CHRNA3: variants seen among roughly 807,000 people sequenced by gnomAD.
CHRNA3 encodes neuronal acetylcholine receptor subunit alpha-3.
In CHRNA3, 34 loss-of-function variants were observed where a neutral mutation model predicts 41.9. The ratio of observed to expected loss-of-function variants is 0.81; its 90% CI spans 0.62 to 1.08. The LOEUF is 1.08. Ranked by LOEUF, CHRNA3 falls within the 50% of genes least tolerant of loss-of-function variation. The pLI is 0.00. For missense variants in CHRNA3, 542 were observed against 638.3 expected (o/e 0.85, Z 1.63); for synonymous variants, 281 against 265.2 (o/e 1.06, Z -0.58).
At chr15:78,593,272 A>G (rs200911665), downstream of CHRNA3, 32 of 1,590,532 alleles carry the variant, frequency 2.0e-5, no homozygotes, top group African/African-American at 4.1e-4. Flanking sequence ...AAGGGACTGA[A>G]GTATACATTT....
chr15:78,608,829 G>A (rs1236337952), intron 4 of CHRNA3, among the ~76,000 whole-genome samples: 2 of 137,272 alleles, frequency 1.5e-5, no homozygotes, highest in Admixed American at 1.4e-4. Context: ...GTTAAAAACT[G>A]TGAAAAAAAA....
Position 78,601,691 on chromosome 15 carries a change from C to A in CHRNA3, c.951G>T (p.Leu317Phe). ...GCACGAAGACGGTGATGACGATGGA[C>A]AAGGTTACAAAAATCATGGTGAACA... ...YLLFTMIFVT[L>F]SIVITVFVLN... The change falls in exon 5 of 6, where the codon TTG becomes TTT. Residue 317 changes from leucine (L) to phenylalanine (F), a missense_variant. Leu to Phe is a conservative substitution (Grantham distance 22, BLOSUM62 0). Coordinates refer to ENST00000326828, the MANE Select transcript of CHRNA3 (RefSeq NM_000743.5). 6.2e-7 allele frequency: 1 copy of A among 1,614,056 alleles called. No individual in the cohort carries two copies. Among genetic ancestry groups the A allele is most frequent in the South Asian group, 1.1e-5 (1 of 91,068 alleles).
downstream of CHRNA3, chr15:78,594,603 G>C (rs1801261859): frequency 6.6e-6 from 1 of 152,284 alleles, no homozygotes; most frequent in African/African-American, 2.4e-5. Flanking sequence ...GCTTGAACCT[G>C]GGAGGTGGAG....
chr15:78,604,171 G>A (rs1353929361), intron 4 of CHRNA3, among the ~76,000 whole-genome samples: 7 of 152,172 alleles, frequency 4.6e-5, no homozygotes, highest in African/African-American at 1.7e-4. Flanking sequence ...ACTGCCTTTT[G>A]TTGTCCATTA....
intron 4 of CHRNA3, among the ~76,000 whole-genome samples, chr15:78,607,166 T>G (rs557993765): frequency 6.7e-6 from 1 of 150,190 alleles, no homozygotes; most frequent in East Asian, 2.0e-4. Flanking sequence ...GAGGCAGAGA[T>G]TGCAGTGAGC....
intron 4 of CHRNA3, among the ~76,000 whole-genome samples, chr15:78,604,710 A>C (rs1480697243): frequency 6.6e-6 from 1 of 152,130 alleles, no homozygotes; most frequent in African/African-American, 2.4e-5. Context: ...TGACCTAACG[A>C]ATGACCAAAA....
chr15:78,598,915 C>A (rs1406217403), intron 5 of CHRNA3, among the ~76,000 whole-genome samples: 2 of 149,142 alleles, frequency 1.3e-5, no homozygotes, highest in Admixed American at 6.8e-5. Flanking sequence ...CTCACTGCAA[C>A]CTCTGTCTCC....
In CHRNA3 at chr15:78,595,985, T is replaced by C. The variant is rs1040369819; in HGVS notation, c.*619A>G. ...CTCCAAAACTGAGAAGTTTCTGTTGTTTATAATCCACCCAGTTTATGGTGT... is the reference window on the plus strand; with the variant it reads ...CTCCAAAACTGAGAAGTTTCTGTTGCTTATAATCCACCCAGTTTATGGTGT... On this transcript the variant is annotated 3_prime_UTR_variant, in exon 6 of 6. Coordinates refer to ENST00000326828, the MANE Select transcript of CHRNA3 (RefSeq NM_000743.5). 4 of 907,144 alleles carry C rather than the reference T, an allele frequency of 4.4e-6. No homozygotes were observed. Among genetic ancestry groups the C allele is most frequent in the Admixed American group, 6.2e-5 (1 of 16,154 alleles). The allele number at this position is 907,144 out of a possible 1,614,324, so 56.2% of individuals were successfully genotyped here.
chr15:78,616,802 T>A (rs2053469176), intron 4 of CHRNA3, among the ~76,000 whole-genome samples: 1 of 152,226 alleles, frequency 6.6e-6, no homozygotes, highest in African/African-American at 2.4e-5. Context: ...CACCCACCCA[T>A]GCCTGCTTTG....
chr15:78,617,041 G>A lies in CHRNA3; in HGVS notation c.360C>T (p.Asp120=), dbSNP rs779363345. The change falls in exon 4 of 6, where the codon GAC becomes GAT. Residue 120 remains aspartate, a synonymous_variant. Transcript: ENST00000326828. The part of the protein sequence containing the change: ...RVPAQKIWKP[D]IVLYNNAVGD... ...CACCTTACTTGTTATACAGCACAAT[G>A]TCTGGCTTCCAGATCTTCTGTGCAG... The A allele has an allele frequency of 1.2e-5, 19 of 1,613,004 alleles. No homozygotes were observed. Among genetic ancestry groups the A allele is most frequent in the East Asian group, 8.9e-5 (4 of 44,886 alleles).
chr15:78,598,437 C>G (rs2141321263), intron 5 of CHRNA3, among the ~76,000 whole-genome samples: 1 of 150,834 alleles, frequency 6.6e-6, no homozygotes, highest in South Asian at 2.1e-4. Flanking sequence ...CTTTGTTGCT[C>G]AAGCTGGAGT....
rs766325850 is a variant in CHRNA3 at position 78,601,302 on chromosome 15, C to T, written c.1340G>A (p.Ser447Asn). ...LSPEIKEAIQ[S>N]VKYIAENMKA... Reference sequence around the variant, plus strand: ...CATATTTTCAGCAATATACTTGACACTTTGGATGGCTTCTTTGATTTCTGG... The same window carrying T: ...CATATTTTCAGCAATATACTTGACATTTTGGATGGCTTCTTTGATTTCTGG... Residue 447 changes from serine to asparagine, a missense_variant, in exon 5 of 6, where the codon AGT becomes AAT. Ser to Asn is a conservative substitution (Grantham distance 46). Coordinates refer to ENST00000326828, the MANE Select transcript of CHRNA3 (RefSeq NM_000743.5). The T allele has an allele frequency of 9.9e-6, 16 of 1,614,118 alleles. No individual in the cohort carries two copies. Among genetic ancestry groups the T allele is most frequent in the Middle Eastern group, 1.6e-4 (1 of 6,084 alleles).
intron 4 of CHRNA3, among the ~76,000 whole-genome samples, chr15:78,616,092 G>GC (rs112010838): frequency 1 from 150,976 of 150,978 alleles, 75,487 homozygotes; most frequent in Middle Eastern, 1. Context: ...GGTGGCTCAT[G>GC]CTGTAATCCC....
rs1383707455 is a variant in CHRNA3, at chr15:78,596,545, A to G, written c.*59T>C. On this transcript the variant is annotated 3_prime_UTR_variant, in exon 6 of 6. Transcript: ENST00000326828. ...AACAGAAAGTACGTTCTTACTAGGA[A>G]GCAGCCTCCTCCTGCCCTGACACAA... 2.2e-6 allele frequency: 3 copies of G among 1,392,526 alleles called. No individual in the cohort carries two copies. The highest frequency in any genetic ancestry group is 2.8e-6 in the Non-Finnish European group (3 of 1,067,974). 86.3% of individuals were successfully genotyped at this position (1,392,526 alleles called of 1,614,324 possible). A position where few individuals can be genotyped will look rare whatever the true frequency, so the allele number is the denominator to read the frequency against.
chr15:78,620,135 G>A (rs1169004182), intron 1 of CHRNA3: 1 of 152,418 alleles, frequency 6.6e-6, no homozygotes, highest in Non-Finnish European at 1.5e-5. Flanking sequence ...GAGAGCGGGA[G>A]GAAGACAGGA....
chr15:78,599,406 A>C (rs374716213), intron 5 of CHRNA3, among the ~76,000 whole-genome samples: 45 of 152,254 alleles, frequency 3.0e-4, no homozygotes, highest in African/African-American at 1.1e-3. Context: ...GACTACTTTA[A>C]AGACCCAGAA....
At chr15:78,614,599 A>C (rs1047838868) in intron 4 of CHRNA3, among the ~76,000 whole-genome samples, 1 of 152,228 alleles carries the variant, frequency 6.6e-6, no homozygotes, top group African/African-American at 2.4e-5. Context: ...CAATACTACT[A>C]ATAAGAAAAC....
In CHRNA3 at chr15:78,595,991, A is replaced by T; in HGVS notation, c.*613T>A. On this transcript the variant is annotated 3_prime_UTR_variant, in exon 6 of 6. Coordinates refer to ENST00000326828, the MANE Select transcript of CHRNA3 (RefSeq NM_000743.5). Reference sequence around the variant, plus strand: ...AACTGAGAAGTTTCTGTTGTTTATAATCCACCCAGTTTATGGTGTACTAAG... The same window carrying T: ...AACTGAGAAGTTTCTGTTGTTTATATTCCACCCAGTTTATGGTGTACTAAG... 2.2e-6 allele frequency: 2 copies of T among 921,938 alleles called. No homozygotes were observed. Among genetic ancestry groups the T allele is most frequent in the Non-Finnish European group, 2.6e-6 (2 of 772,724 alleles). The allele number at this position is 921,938 out of a possible 1,614,324, so 57.1% of individuals were successfully genotyped here. A position where few individuals can be genotyped will look rare whatever the true frequency, so the allele number is the denominator to read the frequency against.
chr15:78,609,888 A>G (rs1596079255), intron 4 of CHRNA3, among the ~76,000 whole-genome samples: 1 of 152,350 alleles, frequency 6.6e-6, no homozygotes, highest in Admixed American at 6.5e-5. Flanking sequence ...AGGAAGATCT[A>G]CCAAGCAAAT....
Sources: gnomAD v4.1 joint callset for allele counts (sites outside exome capture counted in the v4.1 genomes callset) on GRCh38, gnomAD v4.1.1 for gene constraint, MANE v1.5 for transcripts, NCBI Gene and HGNC (gene_info 2026-07-23, HGNC 2026-07-21) for gene names.